The following DPYD variants were observed in gnomAD, a reference collection of about 807,000 sequenced individuals.
DPYD encodes the protein dihydropyrimidine dehydrogenase, also known as dihydropyrimidine dehydrogenase [NADP(+)].
Under a neutral mutation model 116.2 loss-of-function variants are expected in DPYD, and 109 were observed. That is an observed-to-expected ratio of 0.94 (90% CI 0.80 to 1.10). DPYD has a LOEUF of 1.10. Among genes scored for constraint, DPYD ranks in the 50% least tolerant of loss-of-function variants. The pLI is 0.00. For synonymous variants in DPYD, 440 were observed against 432.0 expected, an observed-to-expected ratio of 1.02 and a Z score of -0.23; for missense variants, 1,302 against 1,254.5, an observed-to-expected ratio of 1.04 and a Z score of -0.57.
intron 16 of DPYD, among the ~76,000 whole-genome samples, chr1:97,347,935 C>T (rs1304799022): frequency 1.3e-5 from 2 of 152,132 alleles, no homozygotes; most frequent in South Asian, 2.1e-4. Context: ...GTTTGGAAGG[C>T]CAGCTTTCTC....
intron 18 of DPYD, among the ~76,000 whole-genome samples, chr1:97,295,299 T>C (rs1380550299): frequency 6.6e-6 from 1 of 152,202 alleles, no homozygotes; most frequent in African/African-American, 2.4e-5. Context: ...CTGCTATGCA[T>C]TGCTTGAATA....
chr1:97,832,990 G>T (rs1407248694), intron 2 of DPYD, among the ~76,000 whole-genome samples: 2 of 138,006 alleles, frequency 1.4e-5, no homozygotes, highest in Admixed American at 7.3e-5. Flanking sequence ...GTGGAAAGAG[G>T]CAAAGAAAAA....
rs1205016776 is a variant in DPYD, at chr1:97,873,294, T to G, written c.150+9970A>C. On this transcript the variant is annotated intron_variant, in intron 2 of 22. Transcript: ENST00000370192. The stretch of plus-strand genomic sequence containing the variant: ...TATATAAGTTTCAAAGTGAAATAAT[T>G]TATATGTAGTGGTGTTACAGAAATA... Among the ~76,000 whole-genome samples, 4 of 152,098 alleles carry G rather than the reference T, an allele frequency of 2.6e-5. No individual in the cohort carries two copies. In the East Asian group the frequency reaches 7.8e-4, roughly 30 times the overall value.
chr1:97,546,180 C>A, intron 12 of DPYD: 3 of 1,472,840 alleles, frequency 2.0e-6, no homozygotes, highest in Non-Finnish European at 2.9e-6. Context: ...AGAAGATGGG[C>A]AGGGTGAAAC....
At position 97,304,514 on chromosome 1, in the gene DPYD, AT is replaced by A. The variant is rs1667046469; in HGVS notation, c.2299+744del. 2.0e-5 allele frequency among the ~76,000 whole-genome samples: 3 copies of A among 152,074 alleles called. No individual in the cohort carries two copies. The South Asian group carries it at 6.2e-4, about 31-fold the overall frequency. On this transcript the variant is annotated intron_variant, in intron 18 of 22. Transcript: ENST00000370192. ...TCTGTCCAGCCTCTTCCAAAAGCAC[AT>A]TTTGGTCTGATTCAGCAATGCTTTT...
At chr1:97,213,595 C>A (rs1660187300) in intron 19 of DPYD, among the ~76,000 whole-genome samples, 1 of 152,142 alleles carries the variant, frequency 6.6e-6, no homozygotes, top group Non-Finnish European at 1.5e-5. Context: ...TCAGATTGAC[C>A]TGCCAGACTA....
At chr1:97,323,176 T>C (rs1272043176) in intron 16 of DPYD, among the ~76,000 whole-genome samples, 2 of 149,382 alleles carry the variant, frequency 1.3e-5, no homozygotes, top group Non-Finnish European at 3.0e-5. Flanking sequence ...TATGTATATA[T>C]ACATATCATA....
intron 12 of DPYD, among the ~76,000 whole-genome samples, chr1:97,548,107 C>G (rs903853359): frequency 2.0e-5 from 3 of 151,792 alleles, no homozygotes; most frequent in Non-Finnish European, 4.4e-5. Flanking sequence ...GGGAAACAAA[C>G]AAGAGAACCA....
Position 97,231,724 on chromosome 1 carries a change from T to TA in DPYD, c.2442+3127dup, listed in dbSNP as rs201369032. 9.3e-3 allele frequency among the ~76,000 whole-genome samples: 1,400 copies of TA among 151,008 alleles called. 16 individuals carry two copies. The highest frequency in any genetic ancestry group is 0.038 in the Middle Eastern group (11 of 290). On this transcript the variant is annotated intron_variant, in intron 19 of 22. Coordinates refer to ENST00000370192, the MANE Select transcript of DPYD (RefSeq NM_000110.4). Reference sequence around the variant, plus strand: ...TCCTCCAAGCCTTAGTTGATGTCAATAAAAAAAAATATTTAAAAATTTCAC... The same window carrying TA: ...TCCTCCAAGCCTTAGTTGATGTCAATAAAAAAAAAATATTTAAAAATTTCAC...
chr1:97,791,730 TGAG>T (rs1334261782), intron 3 of DPYD, among the ~76,000 whole-genome samples: 1 of 152,210 alleles, frequency 6.6e-6, no homozygotes, highest in Non-Finnish European at 1.5e-5. Flanking sequence ...TTTCCCACAC[TGAG>T]GACAGAGAAA....
At chr1:97,918,369 C>T (rs1674331912) in intron 1 of DPYD, among the ~76,000 whole-genome samples, 1 of 152,068 alleles carries the variant, frequency 6.6e-6, no homozygotes, top group Non-Finnish European at 1.5e-5. Context: ...AGAAGCCAGG[C>T]TCTGAACCAC....
intron 14 of DPYD, among the ~76,000 whole-genome samples, chr1:97,399,796 T>C (rs1673259768): frequency 6.6e-6 from 1 of 152,170 alleles, no homozygotes; most frequent in African/African-American, 2.4e-5. Flanking sequence ...GTACATTGAT[T>C]TTGTATCCTG....
intron 14 of DPYD, among the ~76,000 whole-genome samples, chr1:97,383,411 A>C (rs985492034): frequency 6.6e-6 from 1 of 150,544 alleles, no homozygotes; most frequent in Non-Finnish European, 1.5e-5. Context: ...AGGAGGTGGA[A>C]GTTGCAGTGA....
chr1:97,549,894 C>G, intron 11 of DPYD, 150 bp from the exon 12 acceptor site: 1 of 769,152 alleles, frequency 1.3e-6, no homozygotes, highest in East Asian at 2.7e-5. Flanking sequence ...GAAAAGCTAA[C>G]GAAATATTGG....
intron 2 of DPYD, among the ~76,000 whole-genome samples, chr1:97,869,897 G>A (rs1388997636): frequency 2.0e-5 from 3 of 151,734 alleles, no homozygotes; most frequent in African/African-American, 7.2e-5. Flanking sequence ...ATTAAAATAT[G>A]AACATCAAAT....
intron 10 of DPYD, among the ~76,000 whole-genome samples, chr1:97,576,485 CTT>C (rs1036974144): frequency 7.9e-5 from 12 of 152,026 alleles, no homozygotes; most frequent in African/African-American, 1.4e-4. Context: ...TAGATAATCT[CTT>C]ATATATTTTG....
intron 19 of DPYD, among the ~76,000 whole-genome samples, chr1:97,206,830 T>G (rs1659670442): frequency 6.6e-6 from 1 of 151,062 alleles, no homozygotes; most frequent in African/African-American, 2.4e-5. Flanking sequence ...CACACAATAT[T>G]GTATGTATGA....
chr1:97,707,918 T>C (rs1186467917), intron 5 of DPYD, among the ~76,000 whole-genome samples: 2 of 152,154 alleles, frequency 1.3e-5, no homozygotes, highest in Non-Finnish European at 2.9e-5. Context: ...ATGAAGTATG[T>C]CTTTTGCAAA....
At chr1:97,730,812 A>T (rs1418417973) in intron 4 of DPYD, among the ~76,000 whole-genome samples, 1 of 152,010 alleles carries the variant, frequency 6.6e-6, no homozygotes, top group African/African-American at 2.4e-5. Context: ...TTCAAAGAGG[A>T]TACTTTTCTA....
Sources: allele counts gnomAD v4.1 joint callset (sites outside exome capture counted in the v4.1 genomes callset), GRCh38; gene constraint gnomAD v4.1.1; transcripts MANE v1.5; gene names NCBI Gene and HGNC (gene_info 2026-07-23, HGNC 2026-07-21).